The following DMRT1 variants were observed in gnomAD, a reference collection of about 807,000 sequenced individuals.
The protein encoded by DMRT1 is doublesex and mab-3 related transcription factor 1, also known as doublesex- and mab-3-related transcription factor 1.
In DMRT1, 7 loss-of-function variants were observed where a neutral mutation model predicts 32.3. The observed-to-expected ratio is 0.22, with a 90% CI of 0.12 to 0.41. The LOEUF is 0.41. DMRT1 is among the 10% of genes least tolerant of loss of function. DMRT1 has a pLI of 1.00. For missense variants in DMRT1, 625 were observed against 500.5 expected, an observed-to-expected ratio of 1.25 and a Z score of -2.37; for synonymous variants, 278 against 206.1, an observed-to-expected ratio of 1.35 and a Z score of -2.99.
At chr9:917,599 C>T (rs532587815) in intron 4 of DMRT1, among the ~76,000 whole-genome samples, 48 of 152,276 alleles carry the variant, frequency 3.2e-4, no homozygotes, top group South Asian at 1.0e-3. Context: ...GAGAAACATA[C>T]ACAATAGGCA....
At chr9:901,688 G>A (rs1178445064) in intron 3 of DMRT1, among the ~76,000 whole-genome samples, 3 of 151,432 alleles carry the variant, frequency 2.0e-5, no homozygotes, top group African/African-American at 7.3e-5. Flanking sequence ...TTGCCACTGA[G>A]CTCCACGGTC....
intron 2 of DMRT1, among the ~76,000 whole-genome samples, chr9:871,996 A>C (rs1589479978): frequency 6.6e-6 from 1 of 151,446 alleles, no homozygotes; most frequent in East Asian, 1.9e-4. Flanking sequence ...AATAGGAAGC[A>C]GACTTTATAT....
chr9:927,829 CTA>C (rs1281076576), intron 4 of DMRT1, among the ~76,000 whole-genome samples: 1 of 152,110 alleles, frequency 6.6e-6, no homozygotes, highest in African/African-American at 2.4e-5. Context: ...TTTGATTTTG[CTA>C]TGTGTGAAGT....
At chr9:902,019 C>G (rs1173751251) in intron 3 of DMRT1, among the ~76,000 whole-genome samples, 1 of 149,870 alleles carries the variant, frequency 6.7e-6, no homozygotes, top group African/African-American at 2.5e-5. Flanking sequence ...AAGCGGTTCT[C>G]CTGCCTCAGC....
intron 4 of DMRT1, among the ~76,000 whole-genome samples, chr9:940,787 A>G (rs968395268): frequency 1.3e-5 from 2 of 152,226 alleles, no homozygotes; most frequent in African/African-American, 2.4e-5. Context: ...TTTGCAAATC[A>G]TATGTCTGAT....
At chr9:849,557 G>C (rs572782656) in intron 2 of DMRT1, among the ~76,000 whole-genome samples, 1 of 152,320 alleles carries the variant, frequency 6.6e-6, no homozygotes, top group African/African-American at 2.4e-5. Context: ...CTCTCACAAG[G>C]GTGTTTCAGA....
intron 2 of DMRT1, among the ~76,000 whole-genome samples, chr9:862,826 G>T (rs990050655): frequency 1.3e-5 from 2 of 152,130 alleles, no homozygotes; most frequent in African/African-American, 4.8e-5. Flanking sequence ...GTTAGGTGAG[G>T]TTATGTACAT....
intron 1 of DMRT1, among the ~76,000 whole-genome samples, chr9:845,506 C>A (rs908559140): frequency 6.6e-6 from 1 of 152,138 alleles, no homozygotes; most frequent in African/African-American, 2.4e-5. Flanking sequence ...CCCCGCCTGG[C>A]CTTTTTTCAA....
chr9:874,285 T>C (rs72699239), intron 2 of DMRT1, among the ~76,000 whole-genome samples: 3,376 of 152,310 alleles, frequency 0.022, 87 homozygotes, highest in African/African-American at 0.065. Flanking sequence ...GATCAGAATA[T>C]CAGGATCATT....
chr9:862,689 A>G (rs1221370555), intron 2 of DMRT1, among the ~76,000 whole-genome samples: 1 of 152,108 alleles, frequency 6.6e-6, no homozygotes, highest in Non-Finnish European at 1.5e-5. Context: ...ATGGAAAGAA[A>G]GGCTGGGACG....
intron 4 of DMRT1, among the ~76,000 whole-genome samples, chr9:938,033 G>A (rs1461915738): frequency 6.6e-6 from 1 of 151,986 alleles, no homozygotes; most frequent in South Asian, 2.1e-4. Flanking sequence ...ACAATGTAAG[G>A]TAAGGATCTA....
chr9:881,393 C>G (rs1283074811), intron 2 of DMRT1, among the ~76,000 whole-genome samples: 1 of 152,182 alleles, frequency 6.6e-6, no homozygotes, highest in Non-Finnish European at 1.5e-5. Flanking sequence ...GGTCCACTTA[C>G]TCCTTCACAT....
At chr9:923,477 A>AATGTT (rs1564253837) in intron 4 of DMRT1, among the ~76,000 whole-genome samples, 2 of 151,768 alleles carry the variant, frequency 1.3e-5, no homozygotes. Flanking sequence ...AGGCCACACC[A>AATGTT]GTGAGGATGA....
intron 2 of DMRT1, among the ~76,000 whole-genome samples, chr9:866,555 TAAAC>T (rs1815998905): frequency 6.6e-6 from 1 of 152,080 alleles, no homozygotes; most frequent in African/African-American, 2.4e-5. Context: ...TACTTGAAAA[TAAAC>T]AGTGTCAGAT....
At chr9:903,415 C>T (rs537175600) in intron 3 of DMRT1, among the ~76,000 whole-genome samples, 2 of 152,354 alleles carry the variant, frequency 1.3e-5, no homozygotes, top group South Asian at 4.1e-4. Flanking sequence ...ATGATCGTGA[C>T]AGTCATCATC....
At chr9:869,692 T>C (rs1373263871) in intron 2 of DMRT1, among the ~76,000 whole-genome samples, 1 of 152,232 alleles carries the variant, frequency 6.6e-6, no homozygotes, top group Non-Finnish European at 1.5e-5. Flanking sequence ...TGACTTTGTT[T>C]CTCCTCCCTA....
intron 2 of DMRT1, among the ~76,000 whole-genome samples, chr9:888,747 G>A (rs1048306961): frequency 7.0e-6 from 1 of 143,394 alleles, no homozygotes; most frequent in Non-Finnish European, 1.5e-5. Context: ...GGGCATGAAG[G>A]TATCTCATAT....
chr9:916,769 A>C lies in DMRT1; in HGVS notation c.829A>C (p.Asn277His). The stretch of plus-strand genomic sequence containing the variant: ...CTTCTTTTTTCTTAAGCAGATGAAG[A>C]ACATGGAGAACCGCCATGCAATGAG... The part of the protein sequence containing the change: ...GQTGNQWQMK[N>H]MENRHAMSSQ... Residue 277 changes from asparagine to histidine, a missense_variant, in exon 4 of 5, where the codon AAC becomes CAC. Physicochemically the swap from Asn to His is moderately conservative, Grantham distance 68 (BLOSUM62 1). Around this residue, in one of 3 missense-constraint regions of DMRT1, gnomAD observed 416 missense variants for 321.6 expected, o/e 1.29. Transcript: ENST00000382276. 1 of 1,614,224 alleles carries C rather than the reference A, an allele frequency of 6.2e-7. No homozygotes were observed. The highest frequency in any genetic ancestry group is 8.5e-7 in the Non-Finnish European group (1 of 1,180,036).
At chr9:868,202 C>G (rs1008132375) in intron 2 of DMRT1, among the ~76,000 whole-genome samples, 1 of 152,176 alleles carries the variant, frequency 6.6e-6, no homozygotes, top group African/African-American at 2.4e-5. Flanking sequence ...TGGTCTCAAA[C>G]TCCTAAGCTC....
Sources: allele counts gnomAD v4.1 joint callset (sites outside exome capture counted in the v4.1 genomes callset), GRCh38; gene constraint gnomAD v4.1.1; regional missense constraint gnomAD v4.1.1; transcripts MANE v1.5; gene names NCBI Gene and HGNC (gene_info 2026-07-23, HGNC 2026-07-21).